The following KDM4C variants were observed in gnomAD, a reference collection of about 807,000 sequenced individuals.
The protein encoded by KDM4C is lysine demethylase 4C.
KDM4C carries 81 observed loss-of-function variants against 129.3 expected under a neutral mutation model. That is an observed-to-expected ratio of 0.63 (90% confidence interval 0.52 to 0.75). KDM4C has a LOEUF of 0.75. KDM4C is among the 30% of genes least tolerant of loss of function. KDM4C has a pLI of 0.00. For missense variants in KDM4C, 1,457 were observed against 1,304.0 expected, an observed-to-expected ratio of 1.12 and a Z score of -1.81; for synonymous variants, 573 against 456.1, an observed-to-expected ratio of 1.26 and a Z score of -3.26.
chr9:6,737,775 G>A (rs1455994636), intron 1 of KDM4C, among the ~76,000 whole-genome samples: 1 of 149,768 alleles, frequency 6.7e-6, no homozygotes, highest in Admixed American at 6.7e-5. Context: ...AATCGTTAAA[G>A]AAATGCAAAC....
chr9:6,911,031 T>C (rs1437065213), intron 8 of KDM4C, among the ~76,000 whole-genome samples: 1 of 152,236 alleles, frequency 6.6e-6, no homozygotes, highest in Non-Finnish European at 1.5e-5. Context: ...TATTAAATTT[T>C]AGCGTCATCT....
At chr9:6,829,366 T>C (rs1759938828) in intron 4 of KDM4C, among the ~76,000 whole-genome samples, 1 of 152,120 alleles carries the variant, frequency 6.6e-6, no homozygotes, top group Admixed American at 6.6e-5. Flanking sequence ...CAGATTTCTG[T>C]GGGAAAGTAT....
At chr9:7,055,179 AAAAC>A (rs948529158) in intron 17 of KDM4C, among the ~76,000 whole-genome samples, 26 of 152,222 alleles carry the variant, frequency 1.7e-4, no homozygotes, top group African/African-American at 5.5e-4. Flanking sequence ...TACGTCTCAA[AAAAC>A]AAACAAACAC....
At chr9:7,047,128 C>G (rs985434235) in intron 16 of KDM4C, among the ~76,000 whole-genome samples, 3 of 151,936 alleles carry the variant, frequency 2.0e-5, no homozygotes, top group Non-Finnish European at 4.4e-5. Context: ...TGCTTCTCTT[C>G]TTTGTATTTG....
intron 1 of KDM4C, among the ~76,000 whole-genome samples, chr9:6,790,569 A>G (rs1826364841): frequency 7.1e-6 from 1 of 141,310 alleles, no homozygotes; most frequent in Non-Finnish European, 1.5e-5. Flanking sequence ...GCTCTGTTTT[A>G]ACCTGTTACT....
At position 6,831,617 on chromosome 9, in the gene KDM4C, C is replaced by T. The variant is rs977521088; in HGVS notation, c.435+16872C>T. On this transcript the variant is annotated intron_variant, in intron 4 of 21. Coordinates refer to ENST00000381309, the MANE Select transcript of KDM4C (RefSeq NM_015061.6). ...CTCGGCCTCTAAAGTGCTGGGATTA[C>T]AGGTGTAAGCCAGCGCACCCGGCCT... 5.3e-5 allele frequency among the ~76,000 whole-genome samples: 8 copies of T among 152,158 alleles called. No individual in the cohort carries two copies. In the East Asian group the frequency reaches 5.8e-4, roughly 11 times the overall value.
At chr9:6,848,243 A>G (rs10975852) in intron 4 of KDM4C, among the ~76,000 whole-genome samples, 19,806 of 152,180 alleles carry the variant, frequency 0.13, 1,718 homozygotes, top group African/African-American at 0.24. Context: ...GAATGGCTTT[A>G]AAGGCATTTC....
chr9:6,970,776 T>TA (rs1212528482), intron 8 of KDM4C, among the ~76,000 whole-genome samples: 1 of 152,104 alleles, frequency 6.6e-6, no homozygotes, highest in Non-Finnish European at 1.5e-5. Context: ...TATTGCTATT[T>TA]AAAAAACAGT....
intron 5 of KDM4C, among the ~76,000 whole-genome samples, chr9:6,865,621 C>T (rs1841807014): frequency 1.3e-5 from 2 of 152,154 alleles, no homozygotes. Context: ...GGCTGGAGTT[C>T]AGTGGCGTGA....
chr9:6,898,705 T>G (rs1458474726), intron 8 of KDM4C, among the ~76,000 whole-genome samples: 1 of 152,232 alleles, frequency 6.6e-6, no homozygotes, highest in African/African-American at 2.4e-5. Context: ...TTGTCTAGCA[T>G]GTAAGTGCCA....
At chr9:7,173,367 C>T (rs886649202) in intron 21 of KDM4C, among the ~76,000 whole-genome samples, 1 of 152,190 alleles carries the variant, frequency 6.6e-6, no homozygotes, top group African/African-American at 2.4e-5. Context: ...GAGCAGAGCA[C>T]GGGGCAGGCT....
At position 7,175,316 on chromosome 9, in the gene KDM4C, A is replaced by G. The variant is rs1402503927; in HGVS notation, c.*587A>G. On this transcript the variant is annotated 3_prime_UTR_variant, in exon 22 of 22. Coordinates refer to ENST00000381309, the MANE Select transcript of KDM4C (RefSeq NM_015061.6). ...TTTTACATTTTTGAATATTCCTATT[A>G]CTTTTGATTGTGTCTGATGGGAACT... The G allele has an allele frequency of 2.0e-5, 3 of 152,602 alleles. No individual in the cohort carries two copies. Among genetic ancestry groups the G allele is most frequent in the Non-Finnish European group, 4.4e-5 (3 of 68,024 alleles). The allele number at this position is 152,602 out of a possible 1,614,324, so 9.5% of individuals were successfully genotyped here.
At chr9:6,873,313 T>G (rs183897404) in intron 5 of KDM4C, among the ~76,000 whole-genome samples, 21 of 152,328 alleles carry the variant, frequency 1.4e-4, no homozygotes, top group African/African-American at 4.8e-4. Context: ...CTTTGAAGCT[T>G]TGAAGCCAGG....
At chr9:6,952,124 T>C (rs1245040440) in intron 8 of KDM4C, among the ~76,000 whole-genome samples, 1 of 152,076 alleles carries the variant, frequency 6.6e-6, no homozygotes, top group Non-Finnish European at 1.5e-5. Flanking sequence ...TTGAGGAAAA[T>C]GTGTGAAAAA....
intron 4 of KDM4C, among the ~76,000 whole-genome samples, chr9:6,822,737 A>T (rs1833243227): frequency 1.3e-5 from 2 of 152,238 alleles, no homozygotes; most frequent in South Asian, 4.1e-4. Flanking sequence ...ACACACAAAG[A>T]TAAAGATAAA....
chr9:6,758,292 G>A lies in KDM4C; in HGVS notation c.-18+89G>A. ...ACTGCCCCCCTCCGCGTGGGGCACG[G>A]GGGTGCGGGCGTCCGGGCGAGCGGC... On this transcript the variant is annotated intron_variant, in intron 1 of 21. Transcript: ENST00000381309. This position sits in a 1 kb window ranked among gnomAD's most constrained non-coding sequence, Gnocchi z 4.6. 1 of 803,892 alleles carries A rather than the reference G, an allele frequency of 1.2e-6. No homozygotes were observed. Among genetic ancestry groups the A allele is most frequent in the Admixed American group, 6.2e-5 (1 of 16,046 alleles). The allele number at this position is 803,892 out of a possible 1,614,324, so 49.8% of individuals were successfully genotyped here. A position where few individuals can be genotyped will look rare whatever the true frequency, so the allele number is the denominator to read the frequency against.
intron 19 of KDM4C, among the ~76,000 whole-genome samples, chr9:7,160,922 A>G (rs965773284): frequency 1.3e-5 from 2 of 152,284 alleles, no homozygotes; most frequent in East Asian, 1.9e-4. Flanking sequence ...TTGTTCAGCT[A>G]TGCCCTGCCC....
At chr9:6,963,692 T>G (rs1830404701) in intron 8 of KDM4C, among the ~76,000 whole-genome samples, 1 of 152,254 alleles carries the variant, frequency 6.6e-6, no homozygotes, top group Non-Finnish European at 1.5e-5. Flanking sequence ...GATCCATTCC[T>G]TCTCTTGCAA....
At chr9:6,825,316 C>T (rs1335025265) in intron 4 of KDM4C, among the ~76,000 whole-genome samples, 2 of 152,138 alleles carry the variant, frequency 1.3e-5, no homozygotes, top group African/African-American at 4.8e-5. Flanking sequence ...GTTTTGATGT[C>T]ACAGACCCTC....
Sources: allele counts gnomAD v4.1 joint callset (sites outside exome capture counted in the v4.1 genomes callset), GRCh38; gene constraint gnomAD v4.1.1; non-coding constraint Gnocchi (gnomAD v3.1); transcripts MANE v1.5; gene names NCBI Gene and HGNC (gene_info 2026-07-23, HGNC 2026-07-21).